UBE3A: variants seen among roughly 807,000 people sequenced by gnomAD.
UBE3A encodes ubiquitin-protein ligase E3A.
UBE3A carries 6 observed loss-of-function variants against 83.4 expected under a neutral mutation model. That is an observed-to-expected ratio of 0.07 (90% confidence interval 0.04 to 0.14). The LOEUF (loss-of-function observed/expected upper bound fraction) is 0.14. UBE3A is among the 10% of genes least tolerant of loss of function. The pLI is 1.00. For synonymous variants in UBE3A, 337 were observed against 355.4 expected, an observed-to-expected ratio of 0.95 and a Z score of 0.58; for missense variants, 456 against 1,036.1, an observed-to-expected ratio of 0.44 and a Z score of 7.69.
chr15:25,357,351 T>C (rs2077363462), intron 7 of UBE3A: 2 of 157,086 alleles, frequency 1.3e-5, no homozygotes, highest in South Asian at 3.7e-4. Context: ...GAAAACAATT[T>C]TTCATTTTTT....
chr15:25,408,537 T>A, intron 3 of UBE3A: 1 of 1,548,344 alleles, frequency 6.5e-7, no homozygotes, highest in East Asian at 2.2e-5. Context: ...AGGTCTTGAT[T>A]TGAATCGCAG....
At chr15:25,403,959 AATT>A (rs1283816342) in intron 4 of UBE3A, among the ~76,000 whole-genome samples, 1 of 152,152 alleles carries the variant, frequency 6.6e-6, no homozygotes, top group Non-Finnish European at 1.5e-5. Context: ...GGAAATGAGG[AATT>A]ATTGTTTAAT....
chr15:25,379,478 G>A (rs1035856372), intron 4 of UBE3A, among the ~76,000 whole-genome samples: 1 of 152,132 alleles, frequency 6.6e-6, no homozygotes, highest in Non-Finnish European at 1.5e-5. Context: ...CAGCTACACT[G>A]ATGAGACAGG....
chr15:25,405,665 T>TG, intron 3 of UBE3A, 163 bp from the exon 4 acceptor site: 1 of 717,344 alleles, frequency 1.4e-6, no homozygotes, highest in South Asian at 1.7e-5. Context: ...TCAGATCAGG[T>TG]GGCCATACAA....
At chr15:25,340,050 G>A (rs367639797) in intron 12 of UBE3A, 35 bp downstream of exon 12, 9 of 1,613,338 alleles carry the variant, frequency 5.6e-6, no homozygotes, top group Admixed American at 3.3e-5. Flanking sequence ...CAAGGTTTTC[G>A]GTAGGTATAC....
At chr15:25,410,049 C>T (rs983540934) in intron 2 of UBE3A, among the ~76,000 whole-genome samples, 4 of 151,898 alleles carry the variant, frequency 2.6e-5, no homozygotes, top group East Asian at 1.9e-4. Context: ...TGCTAAATGA[C>T]GAGTTAATGG....
intron 11 of UBE3A, among the ~76,000 whole-genome samples, chr15:25,343,792 G>A (rs575372160): frequency 2.4e-4 from 36 of 152,174 alleles, no homozygotes; most frequent in Non-Finnish European, 4.4e-4. Context: ...TGAAGAAAAC[G>A]ACCAGCTGAG....
chr15:25,385,873 A>G (rs750325208), intron 4 of UBE3A, among the ~76,000 whole-genome samples: 7 of 152,136 alleles, frequency 4.6e-5, no homozygotes, highest in Non-Finnish European at 1.0e-4. Flanking sequence ...GAGCCCTACA[A>G]TTTTCTAAGT....
At chr15:25,350,141 G>A (rs1260045422) in intron 11 of UBE3A, among the ~76,000 whole-genome samples, 2 of 152,032 alleles carry the variant, frequency 1.3e-5, no homozygotes, top group African/African-American at 4.8e-5. Context: ...CACACCTGTA[G>A]TACCAGCTAC....
At chr15:25,351,076 CCATTATTACCACCACATTGATAA>C (rs1433125775) in intron 11 of UBE3A, among the ~76,000 whole-genome samples, 1 of 152,160 alleles carries the variant, frequency 6.6e-6, no homozygotes, top group Non-Finnish European at 1.5e-5. Flanking sequence ...ATCGACACCA[CCATTATTACCACCACATTGATAA>C]CATTCAGAGA....
intron 1 of UBE3A, among the ~76,000 whole-genome samples, chr15:25,419,694 C>T (rs985808182): frequency 3.9e-5 from 6 of 151,922 alleles, no homozygotes; most frequent in African/African-American, 9.7e-5. Context: ...TAGTTTCAAA[C>T]GCTGCTGTGG....
intron 9 of UBE3A, 116 bp downstream of exon 9, chr15:25,355,776 A>G: frequency 9.6e-7 from 1 of 1,037,950 alleles, no homozygotes; most frequent in Non-Finnish European, 1.4e-6. Flanking sequence ...ACATAAACTT[A>G]GTTACTTGTT....
chr15:25,364,868 G>T (rs1054465993), intron 6 of UBE3A, among the ~76,000 whole-genome samples: 1 of 151,360 alleles, frequency 6.6e-6, no homozygotes, highest in African/African-American at 2.4e-5. Context: ...GGATGGTTTC[G>T]GTCTCCTGAC....
At chr15:25,430,197 A>G (rs1385969417) in intron 1 of UBE3A, among the ~76,000 whole-genome samples, 76 of 1,140 alleles carry the variant, frequency 0.067, 3 homozygotes, top group South Asian at 0.3. Flanking sequence ...ATACATATAT[A>G]TAAGATTATA....
At chr15:25,341,222 A>G (rs2152523615) in intron 11 of UBE3A, among the ~76,000 whole-genome samples, 1 of 129,310 alleles carries the variant, frequency 7.7e-6, no homozygotes, top group East Asian at 2.4e-4. Context: ...GGTGCCTGCC[A>G]CCACGCCTGG....
chr15:25,366,648 T>C (rs1384202687), intron 6 of UBE3A, among the ~76,000 whole-genome samples: 1 of 152,198 alleles, frequency 6.6e-6, no homozygotes, highest in Non-Finnish European at 1.5e-5. Context: ...ATCATCATCA[T>C]CCTCTATTCC....
intron 11 of UBE3A, among the ~76,000 whole-genome samples, chr15:25,342,051 AAC>A (rs1257655372): frequency 6.6e-6 from 1 of 152,166 alleles, no homozygotes; most frequent in African/African-American, 2.4e-5. Flanking sequence ...ACAAAAAAGA[AAC>A]ACACAACAAC....
chr15:25,427,795 G>GA (rs71127058), intron 1 of UBE3A, among the ~76,000 whole-genome samples: 39 of 77,416 alleles, frequency 5.0e-4, no homozygotes, highest in African/African-American at 1.8e-3. Context: ...CTGTCTCCTG[G>GA]AAAAAAAAAA....
At chr15:25,408,554 T>G in intron 3 of UBE3A, 1 of 1,598,656 alleles carries the variant, frequency 6.3e-7, no homozygotes, top group South Asian at 1.1e-5. Flanking sequence ...GCAGAAAATA[T>G]GATCACAAAA....
Sources: gnomAD v4.1 joint callset for allele counts (sites outside exome capture counted in the v4.1 genomes callset) on GRCh38, gnomAD v4.1.1 for gene constraint, MANE v1.5 for transcripts, NCBI Gene and HGNC (gene_info 2026-07-23, HGNC 2026-07-21) for gene names.